Variants in USP5 observed in about 807,000 individuals in gnomAD.
USP5 encodes the protein ubiquitin specific peptidase 5, also known as ubiquitin carboxyl-terminal hydrolase 5.
Under a neutral mutation model 102.5 loss-of-function variants are expected in USP5, and 24 were observed. That is an observed-to-expected ratio of 0.23 (90% CI 0.17 to 0.33). The LOEUF (loss-of-function observed/expected upper bound fraction) is 0.33. USP5 is among the 10% of genes least tolerant of loss of function. The pLI is 1.00. For missense variants in USP5, 753 were observed against 1,122.1 expected, an observed-to-expected ratio of 0.67 and a Z score of 4.70; for synonymous variants, 460 against 434.8, an observed-to-expected ratio of 1.06 and a Z score of -0.72.
Position 6,858,113 on chromosome 12 carries a change from G to A in USP5, c.865-311G>A, listed in dbSNP as rs782693639. Among the ~76,000 whole-genome samples the A allele has an allele frequency of 6.6e-6, 1 of 152,338 alleles. No individual in the cohort carries two copies. Among genetic ancestry groups the A allele is most frequent in the South Asian group, 2.1e-4 (1 of 4,828 alleles). ...TTAGGGATCAGGGACATTTCCCTGA[G>A]GAAGCGATGCTTAACTGACAATGTG... is the stretch of plus-strand genomic sequence containing the variant. On this transcript the variant is annotated intron_variant, in intron 7 of 19. Transcript: ENST00000229268. This position sits in a 1 kb window ranked among gnomAD's most constrained non-coding sequence, Gnocchi z 4.2.
rs1436424702 is a variant in USP5 at position 6,861,189 on chromosome 12, G to T, written c.1498+83G>T. The stretch of plus-strand genomic sequence containing the variant: ...TGCTTGGGCACCTCATGGGAGCACA[G>T]CCCAGGGAATGCCCTGCTTCACCAG... On this transcript the variant is annotated intron_variant, in intron 12 of 19. Coordinates refer to ENST00000229268, the MANE Select transcript of USP5 (RefSeq NM_001098536.2). This position sits in a 1 kb window ranked among gnomAD's most constrained non-coding sequence, Gnocchi z 4.9. 2 of 1,567,036 alleles carry T rather than the reference G, an allele frequency of 1.3e-6. No individual in the cohort carries two copies. The highest frequency in any genetic ancestry group is 1.7e-6 in the Non-Finnish European group (2 of 1,156,552).
In USP5 at chr12:6,855,518, C is replaced by T. The variant is rs377361007; in HGVS notation, c.229C>T (p.Arg77Trp). Residue 77 changes from arginine to tryptophan, a missense_variant, in exon 2 of 20, where the codon CGG (arginine) becomes TGG (tryptophan). Physicochemically the swap from Arg to Trp is moderately radical, Grantham distance 101. Transcript: ENST00000229268. This position sits in a 1 kb window ranked among gnomAD's most constrained non-coding sequence, Gnocchi z 4.6. Reference protein sequence around the residue: ...QRVYLHLRRTRRPKEEDPATG... With the variant: ...QRVYLHLRRTWRPKEEDPATG... ...AGTCTACTTGCACCTCCGGCGGACC[C>T]GGCGCCCGGTAGGAGCAGGGCTGGG... 9.9e-6 allele frequency: 16 copies of T among 1,614,110 alleles called. No homozygotes were observed. Among genetic ancestry groups the T allele is most frequent in the East Asian group, 4.5e-5 (2 of 44,896 alleles).
Position 6,855,720 on chromosome 12 carries a change from T to A in USP5, c.238-35T>A, listed in dbSNP as rs782638660. The stretch of plus-strand genomic sequence containing the variant: ...TCCCGACTTGTTCCTTCGCTCGTGC[T>A]CATTGCTGATCCAGCCCTTCCTGCT... On this transcript the variant is annotated intron_variant, in intron 2 of 19. Transcript: ENST00000229268. This position sits in a 1 kb window ranked among gnomAD's most constrained non-coding sequence, Gnocchi z 4.6. The A allele has an allele frequency of 6.8e-6, 11 of 1,613,754 alleles. No homozygotes were observed. In the South Asian group the frequency reaches 1.2e-4, roughly 18 times the overall value.
At chr12:6,853,470 G>A (rs1054634634) in intron 1 of USP5, among the ~76,000 whole-genome samples, 1 of 152,224 alleles carries the variant, frequency 6.6e-6, no homozygotes, top group Admixed American at 6.5e-5. Context: ...AGAGCTCCGG[G>A]GTTCCCAATC....
intron 19 of USP5, 124 bp downstream of exon 19, chr12:6,865,372 C>G: frequency 1.2e-6 from 1 of 823,120 alleles, no homozygotes; most frequent in Admixed American, 2.3e-5. Flanking sequence ...CATAAAGTGC[C>G]AGAGAGTGAC....
chr12:6,863,373 G>C lies in USP5; in HGVS notation c.1950G>C (p.Pro650=). The change falls in exon 15 of 20, where the codon CCG becomes CCC. Residue 650 remains proline, a synonymous_variant. Transcript: ENST00000229268. This position sits in a 1 kb window ranked among gnomAD's most constrained non-coding sequence, Gnocchi z 4.7. ...DSFCSPHFSS[P]TSPMLDESVI... ...TCTGCTCCCCTCACTTCTCCTCTCC[G>C]ACATGTTAGTGACTCTTCTTCCTGC... 5 of 1,613,094 alleles carry C rather than the reference G, an allele frequency of 3.1e-6. No homozygotes were observed. The highest frequency in any genetic ancestry group is 4.2e-6 in the Non-Finnish European group (5 of 1,179,408).
In USP5 at chr12:6,856,847, A is replaced by G. The variant is rs781951093; in HGVS notation, c.725A>G (p.Tyr242Cys). The change falls in exon 6 of 20, where the codon TAC (tyrosine) becomes TGC (cysteine). Residue 242 changes from tyrosine (Y) to cysteine (C), a missense_variant. Tyr to Cys is a radical substitution (Grantham distance 194). Coordinates refer to ENST00000229268, the MANE Select transcript of USP5 (RefSeq NM_001098536.2). This position sits in a 1 kb window ranked among gnomAD's most constrained non-coding sequence, Gnocchi z 5.6. Reference sequence around the variant, plus strand: ...GTGGAGCACTACCGAGAGACAGGCTACCCGTTAGCTGTCAAGCTGGGCACC... The same window carrying G: ...GTGGAGCACTACCGAGAGACAGGCTGCCCGTTAGCTGTCAAGCTGGGCACC... Reference protein sequence around the residue: ...HAVEHYRETGYPLAVKLGTIT... With the variant: ...HAVEHYRETGCPLAVKLGTIT... 6.2e-6 allele frequency: 10 copies of G among 1,614,068 alleles called. No homozygotes were observed. The highest frequency in any genetic ancestry group is 1.1e-5 in the South Asian group (1 of 91,078).
rs782673738 is a variant in USP5 at position 6,859,659 on chromosome 12, T to C, written c.1130+118T>C. The C allele has an allele frequency of 2.8e-6, 3 of 1,078,802 alleles. No homozygotes were observed. The East Asian group carries it at 7.4e-5, about 27-fold the overall frequency. The allele number at this position is 1,078,802 out of a possible 1,614,324, so 66.8% of individuals were successfully genotyped here. A position where few individuals can be genotyped will look rare whatever the true frequency, so the allele number is the denominator to read the frequency against. On this transcript the variant is annotated intron_variant, in intron 9 of 19. Coordinates refer to ENST00000229268, the MANE Select transcript of USP5 (RefSeq NM_001098536.2). ...CCCCTGGCCTTTTTTTGTTTTGTTT[T>C]GTTTTGTTTTTTGAGACGGAGTCTT...
chr12:6,856,592 AGAG>A lies in USP5; in HGVS notation c.585-111_585-109del, dbSNP rs1944119983. 5.2e-6 allele frequency: 8 copies of A among 1,530,774 alleles called. 1 individual carries two copies. The highest frequency in any genetic ancestry group is 3.7e-5 in the South Asian group (3 of 81,796). The allele number at this position is 1,530,774 out of a possible 1,614,324, so 94.8% of individuals were successfully genotyped here. A position where few individuals can be genotyped will look rare whatever the true frequency, so the allele number is the denominator to read the frequency against. ...AAATGAACACGACATGGGGATGGCC[AGAG>A]GAGAAGAGAGAGAGACCTTGGATTG... On this transcript the variant is annotated intron_variant, in intron 5 of 19. Coordinates refer to ENST00000229268, the MANE Select transcript of USP5 (RefSeq NM_001098536.2). This position sits in a 1 kb window ranked among gnomAD's most constrained non-coding sequence, Gnocchi z 5.6.
chr12:6,853,077 C>T (rs1943988368), intron 1 of USP5, among the ~76,000 whole-genome samples: 1 of 152,236 alleles, frequency 6.6e-6, no homozygotes, highest in African/African-American at 2.4e-5. Flanking sequence ...TCACGTTTTG[C>T]AGGCTCCACC....
rs1944156732 is a variant in USP5, at chr12:6,857,616, C to T, written c.770-13C>T. 6.2e-7 allele frequency: 1 copy of T among 1,611,198 alleles called. No individual in the cohort carries two copies. Among genetic ancestry groups the T allele is most frequent in the Non-Finnish European group, 8.5e-7 (1 of 1,178,378 alleles). On this transcript the variant is annotated splice_polypyrimidine_tract_variant and intron_variant, in intron 6 of 19. Transcript: ENST00000229268. ...GCCACTTCCCCTGATTCTCTTCCTG[C>T]CTCCTGCTCTAGACGTGTACTCATA...
At position 6,860,560 on chromosome 12, in the gene USP5, TC is replaced by T; in HGVS notation, c.1344+72del. On this transcript the variant is annotated intron_variant, in intron 11 of 19. Coordinates refer to ENST00000229268, the MANE Select transcript of USP5 (RefSeq NM_001098536.2). This position sits in a 1 kb window ranked among gnomAD's most constrained non-coding sequence, Gnocchi z 5.5. ...ACTCGCTCTCCTTCCTGCCCATTTC[TC>T]CCTCTATCAGCCCCAACCCAGTCCC... 1 of 1,600,160 alleles carries T rather than the reference TC, an allele frequency of 6.2e-7. No homozygotes were observed. Among genetic ancestry groups the T allele is most frequent in the South Asian group, 1.1e-5 (1 of 90,574 alleles).
Position 6,855,240 on chromosome 12 carries a change from C to T in USP5, c.112-161C>T, listed in dbSNP as rs1449049910. ...AATGGGGAGAATCTTAGCTATGTCC[C>T]AGGTCCTAAAAGGCTAAATAACTTG... On this transcript the variant is annotated intron_variant, in intron 1 of 19. Transcript: ENST00000229268. The surrounding 1 kb of genome is among the most constrained non-coding windows in gnomAD (Gnocchi z 4.6). Among the ~76,000 whole-genome samples the T allele has an allele frequency of 1.3e-5, 2 of 152,198 alleles. No individual in the cohort carries two copies. The highest frequency in any genetic ancestry group is 3.8e-4 in the East Asian group (2 of 5,198).
At position 6,856,695 on chromosome 12, in the gene USP5, T is replaced by C. The variant is rs782525089; in HGVS notation, c.585-12T>C. ...ACCCACATTTCTGCTGATTCTCTTC[T>C]CTGTGGGTTAGTGGCTGGAAGTGCT... is the stretch of plus-strand genomic sequence containing the variant. On this transcript the variant is annotated splice_polypyrimidine_tract_variant and intron_variant, in intron 5 of 19. Transcript: ENST00000229268. The surrounding 1 kb of genome is among the most constrained non-coding windows in gnomAD (Gnocchi z 5.6). 1 of 1,613,592 alleles carries C rather than the reference T, an allele frequency of 6.2e-7. No homozygotes were observed. Among genetic ancestry groups the C allele is most frequent in the Admixed American group, 1.7e-5 (1 of 60,014 alleles).
Position 6,861,690 on chromosome 12 carries a change from C to G in USP5, c.1673+73C>G. The G allele has an allele frequency of 6.5e-6, 9 of 1,378,990 alleles. No homozygotes were observed. Among genetic ancestry groups the G allele is most frequent in the Non-Finnish European group, 8.5e-6 (9 of 1,058,852 alleles). The allele number at this position is 1,378,990 out of a possible 1,614,324, so 85.4% of individuals were successfully genotyped here. On this transcript the variant is annotated intron_variant, in intron 13 of 19. Coordinates refer to ENST00000229268, the MANE Select transcript of USP5 (RefSeq NM_001098536.2). The surrounding 1 kb of genome is among the most constrained non-coding windows in gnomAD (Gnocchi z 4.9). ...ATCCCAGAGGATACTTCTGTCTCTT[C>G]CCTGTTCTTTCATCCCTTTGTGGTT...
Position 6,852,161 on chromosome 12 carries a change from A to G in USP5, c.-19A>G. 6.2e-7 allele frequency: 1 copy of G among 1,602,514 alleles called. No homozygotes were observed. Among genetic ancestry groups the G allele is most frequent in the Non-Finnish European group, 8.5e-7 (1 of 1,175,110 alleles). On this transcript the variant is annotated 5_prime_UTR_variant, in exon 1 of 20. Transcript: ENST00000229268. ...GAACGGTGGGAGCCGCCGTGTGTGG[A>G]GAAGCTGCTGCCGGTGTCATGGCGG...
rs782154838 is a variant in USP5, at chr12:6,864,778, T to C, written c.2301T>C (p.Asp767=). The C allele has an allele frequency of 6.2e-7, 1 of 1,613,618 alleles. No individual in the cohort carries two copies. Among genetic ancestry groups the C allele is most frequent in the Non-Finnish European group, 8.5e-7 (1 of 1,180,042 alleles). Residue 767 remains aspartate, a synonymous_variant, in exon 18 of 20, where the codon GAT becomes GAC. Coordinates refer to ENST00000229268, the MANE Select transcript of USP5 (RefSeq NM_001098536.2). The surrounding 1 kb of genome is among the most constrained non-coding windows in gnomAD (Gnocchi z 4.8). ...DWIFSHIDDL[D]AEAAMDISEG... Reference sequence around the variant, plus strand: ...TCTTCAGTCACATTGACGACCTGGATGCTGAAGCTGCCATGGACATCTCAG... The same window carrying C: ...TCTTCAGTCACATTGACGACCTGGACGCTGAAGCTGCCATGGACATCTCAG...
Position 6,863,389 on chromosome 12 carries a change from T to A in USP5, c.1954+12T>A. The A allele has an allele frequency of 6.2e-7, 1 of 1,611,006 alleles. No homozygotes were observed. The highest frequency in any genetic ancestry group is 8.5e-7 in the Non-Finnish European group (1 of 1,177,946). On this transcript the variant is annotated intron_variant, in intron 15 of 19. Transcript: ENST00000229268. This position sits in a 1 kb window ranked among gnomAD's most constrained non-coding sequence, Gnocchi z 4.7. ...CTCCTCTCCGACATGTTAGTGACTC[T>A]TCTTCCTGCCTGTCTCTCTCCCGTG...
rs1031094930 is a variant in USP5, at chr12:6,864,370, T to C, written c.2244+175T>C. ...AAGCCTGCGTTCACTGCTGGGTTTT[T>C]TGCCCCAGAACTTGTTAAAAATGTA... On this transcript the variant is annotated intron_variant, in intron 17 of 19. Transcript: ENST00000229268. The surrounding 1 kb of genome is among the most constrained non-coding windows in gnomAD (Gnocchi z 4.8). Among the ~76,000 whole-genome samples the C allele has an allele frequency of 1.3e-5, 2 of 152,202 alleles. No homozygotes were observed. Among genetic ancestry groups the C allele is most frequent in the Non-Finnish European group, 2.9e-5 (2 of 68,032 alleles).
Sources: gnomAD v4.1 joint callset for allele counts (sites outside exome capture counted in the v4.1 genomes callset) on GRCh38, gnomAD v4.1.1 for gene constraint, Gnocchi (gnomAD v3.1) non-coding constraint, MANE v1.5 for transcripts, NCBI Gene and HGNC (gene_info 2026-07-23, HGNC 2026-07-21) for gene names.